The following ANKRD35 variants were observed in gnomAD, a reference collection of about 807,000 sequenced individuals.
ANKRD35 encodes the protein ankyrin repeat domain-containing protein 35.
A neutral mutation model predicts 109.9 loss-of-function variants in ANKRD35; 102 were observed. The observed-to-expected ratio is 0.93, with a 90% CI of 0.79 to 1.09. ANKRD35 has a LOEUF of 1.09. Among genes scored for constraint, ANKRD35 ranks in the 50% least tolerant of loss-of-function variants. The probability of loss-of-function intolerance (pLI) is 0.00; values close to 1 mark genes in which losing one functional copy is unlikely to be tolerated. For synonymous variants in ANKRD35, 515 were observed against 512.4 expected (o/e 1.01, Z -0.07); for missense variants, 1,240 against 1,230.1 (o/e 1.01, Z -0.12).
intron 4 of ANKRD35, among the ~76,000 whole-genome samples, chr1:145,877,456 T>A (rs1440215722): frequency 3.3e-5 from 5 of 152,134 alleles, no homozygotes; most frequent in African/African-American, 1.2e-4. Context: ...ATGGTCTCGA[T>A]CTCCTGATCT....
rs139253318 is a variant in ANKRD35 at position 145,874,828 on chromosome 1, G to T, written c.739C>A (p.Arg247=). Residue 247 remains arginine (R), a synonymous_variant, in exon 8 of 14, where the codon CGG becomes AGG. Coordinates refer to ENST00000355594, the MANE Select transcript of ANKRD35 (RefSeq NM_144698.5). ...GTTACACAAGGGCCTTTACCGCCCC[G>T]CCGCCGCCGGCTCAGGGCCTGCTGT... ...HLQQALSRRR[R]GGQRLVQHPD... 1.1e-5 allele frequency: 17 copies of T among 1,583,032 alleles called. No individual in the cohort carries two copies. The Admixed American group carries it at 3.1e-4, about 29-fold the overall frequency.
intron 4 of ANKRD35, 23 bp downstream of exon 4, chr1:145,877,945 T>A: frequency 1.2e-6 from 2 of 1,609,868 alleles, no homozygotes; most frequent in Non-Finnish European, 1.7e-6. Flanking sequence ...TTCATAAGAG[T>A]GGTATCAAGG....
Position 145,872,713 on chromosome 1 carries a change from C to T in ANKRD35, c.2056G>A (p.Ala686Thr). Residue 686 changes from alanine to threonine, a missense_variant, in exon 10 of 14, where the codon GCC becomes ACC. By Grantham distance (58) the Ala-to-Thr change is moderately conservative. Coordinates refer to ENST00000355594, the MANE Select transcript of ANKRD35 (RefSeq NM_144698.5). ...LTNELAMEKE[A>T]TEKLRKLLAS... Reference sequence around the variant, plus strand: ...AGGAGCTTCCGCAGCTTCTCTGTGGCCTCCTTCTCCATGGCCAGTTCATTT... The same window carrying T: ...AGGAGCTTCCGCAGCTTCTCTGTGGTCTCCTTCTCCATGGCCAGTTCATTT... 6 of 1,613,612 alleles carry T rather than the reference C, an allele frequency of 3.7e-6. No homozygotes were observed. The highest frequency in any genetic ancestry group is 5.1e-6 in the Non-Finnish European group (6 of 1,179,612).
Position 145,876,797 on chromosome 1 carries a change from A to G in ANKRD35, c.382+19T>C, listed in dbSNP as rs202032121. 29 of 1,613,790 alleles carry G rather than the reference A, an allele frequency of 1.8e-5. No individual in the cohort carries two copies. Among genetic ancestry groups the G allele is most frequent in the African/African-American group, 4.0e-5 (3 of 74,860 alleles). On this transcript the variant is annotated intron_variant, in intron 5 of 13. Coordinates refer to ENST00000355594, the MANE Select transcript of ANKRD35 (RefSeq NM_144698.5). ...CTGTAGTCTCTGCAGCCCTGTTCCC[A>G]TGAGTCCCCTGCACACACCTGCCCA... is the stretch of plus-strand genomic sequence containing the variant.
intron 8 of ANKRD35, 90 bp from the exon 9 acceptor site, chr1:145,874,282 G>GCCACTCCTCTCAGA: frequency 1.4e-6 from 2 of 1,399,074 alleles, no homozygotes; most frequent in Non-Finnish European, 2.0e-6. Flanking sequence ...TTTCTGAGAG[G>GCCACTCCTCTCAGA]AGTGGCCTCT....
Position 145,872,594 on chromosome 1 carries a change from G to C in ANKRD35, c.2175C>G (p.Ser725=). ...TGATGCAGGCCCGCAGCTCCTCCAG[G>C]GACTCCGCTGCTTTGCTTTGTGCAC... The part of the protein sequence containing the change: ...ERSAQSKAAE[S]LEELRACIST... The change falls in exon 10 of 14, where the codon TCC becomes TCG. Residue 725 remains serine (S), a synonymous_variant. Transcript: ENST00000355594. 9.3e-6 allele frequency: 15 copies of C among 1,613,146 alleles called. No homozygotes were observed. The highest frequency in any genetic ancestry group is 1.3e-5 in the Non-Finnish European group (15 of 1,179,618).
intron 12 of ANKRD35, 130 bp downstream of exon 12, chr1:145,867,861 G>T: frequency 2.4e-6 from 2 of 819,622 alleles, no homozygotes; most frequent in Non-Finnish European, 4.1e-6. Flanking sequence ...CAGAGACCTA[G>T]CACTGGATCC....
chr1:145,874,782 T>C (rs782286290), intron 8 of ANKRD35, 40 bp downstream of exon 8: 2 of 1,513,930 alleles, frequency 1.3e-6, no homozygotes, highest in South Asian at 2.6e-5. Flanking sequence ...GAAACTTCTC[T>C]GATTCTTAGA....
At chr1:145,870,210 C>T (rs1553738364) in intron 10 of ANKRD35, among the ~76,000 whole-genome samples, 2 of 151,652 alleles carry the variant, frequency 1.3e-5, no homozygotes, top group East Asian at 1.9e-4. Flanking sequence ...CCTGCCTCAG[C>T]CTCTCCGAGT....
At position 145,873,704 on chromosome 1, in the gene ANKRD35, T is replaced by A; in HGVS notation, c.1065A>T (p.Ser355=). The A allele has an allele frequency of 6.2e-7, 1 of 1,614,048 alleles. No individual in the cohort carries two copies. Among genetic ancestry groups the A allele is most frequent in the Non-Finnish European group, 8.5e-7 (1 of 1,179,944 alleles). The change falls in exon 10 of 14, where the codon TCA becomes TCT. Residue 355 remains serine (S), a synonymous_variant. Coordinates refer to ENST00000355594, the MANE Select transcript of ANKRD35 (RefSeq NM_144698.5). ...GVLLSWEPRA[S]GKQGSSLRPG... ...GCCGGAGACTAGAGCCTTGCTTTCC[T>A]GAAGCTCTGGGCTCCCAGGATAGGA...
In ANKRD35 at chr1:145,872,546, C is replaced by G. The variant is rs1553738980; in HGVS notation, c.2223G>C (p.Arg741=). The G allele has an allele frequency of 6.2e-7, 1 of 1,608,218 alleles. No individual in the cohort carries two copies. Among genetic ancestry groups the G allele is most frequent in the Non-Finnish European group, 8.5e-7 (1 of 1,177,254 alleles). Residue 741 remains arginine (R), a synonymous_variant, in exon 10 of 14, where the codon CGG becomes CGC. Coordinates refer to ENST00000355594, the MANE Select transcript of ANKRD35 (RefSeq NM_144698.5). ...ACISTLVDRH[R]EAQQVLARLQ... is the part of the protein sequence containing the mutation. ...GCCGAGCCAGCACCTGCTGGGCCTC[C>G]CGGTGCCGATCCACCAGGGTGCTGA...
rs1653909603 is a variant in ANKRD35, at chr1:145,873,098, C to T, written c.1671G>A (p.Val557=). The change falls in exon 10 of 14, where the codon GTG becomes GTA. Residue 557 remains valine (V), a synonymous_variant. Coordinates refer to ENST00000355594, the MANE Select transcript of ANKRD35 (RefSeq NM_144698.5). Reference sequence around the variant, plus strand: ...ACTCCTGGGAAGGAACCTCAGGTTTCACCTGTAGTCCTGCCTTTGCCCATT... The same window carrying T: ...ACTCCTGGGAAGGAACCTCAGGTTTTACCTGTAGTCCTGCCTTTGCCCATT... The part of the protein sequence containing the change: ...RLEWAKAGLQ[V]KPEVPSQESR... The T allele has an allele frequency of 1.2e-6, 2 of 1,613,602 alleles. No homozygotes were observed. The highest frequency in any genetic ancestry group is 1.3e-5 in the African/African-American group (1 of 75,028).
intron 8 of ANKRD35, 58 bp downstream of exon 8, chr1:145,874,764 G>T: frequency 6.8e-7 from 1 of 1,470,346 alleles, no homozygotes; most frequent in Non-Finnish European, 9.0e-7. Flanking sequence ...AAACAAATGG[G>T]ACTCTAAGAA....
chr1:145,867,340 T>G lies in ANKRD35; in HGVS notation c.2996A>C (p.Glu999Ala). Residue 999 changes from glutamate to alanine, a missense_variant, in exon 13 of 14, where the codon GAA becomes GCA. Physicochemically the swap from Glu to Ala is moderately radical, Grantham distance 107 (BLOSUM62 -1). Transcript: ENST00000355594. ...YNILLQILSM[E>A]EE Reference sequence around the variant, plus strand: ...CACAGTGAGGCTGCCTCACTCCTCTTCCATGCTAAGGATTTGCAGCAGGAT... The same window carrying G: ...CACAGTGAGGCTGCCTCACTCCTCTGCCATGCTAAGGATTTGCAGCAGGAT... 6.2e-7 allele frequency: 1 copy of G among 1,613,984 alleles called. No individual in the cohort carries two copies.
chr1:145,873,324 G>T lies in ANKRD35; in HGVS notation c.1445C>A (p.Pro482Gln), dbSNP rs587691367. The change falls in exon 10 of 14, where the codon CCA becomes CAA. Residue 482 changes from proline (P) to glutamine (Q), a missense_variant. Pro to Gln is a moderately conservative substitution (Grantham distance 76, BLOSUM62 -1). Coordinates refer to ENST00000355594, the MANE Select transcript of ANKRD35 (RefSeq NM_144698.5). ...CTGGTTCATGGCTGCTGGGCCCACT[G>T]GTTCAGCCACTGTGCCTCCTGGTTC... ...GVEPGGTVAE[P>Q]VGPAAMNQLL... 6.2e-6 allele frequency: 10 copies of T among 1,614,164 alleles called. No homozygotes were observed. The South Asian group carries it at 9.9e-5, about 16-fold the overall frequency.
chr1:145,884,119 C>T (rs1041488906), intron 1 of ANKRD35, among the ~76,000 whole-genome samples: 5 of 152,142 alleles, frequency 3.3e-5, no homozygotes, highest in Admixed American at 3.3e-4. Flanking sequence ...GAAATAGTTT[C>T]CCCATTCCTA....
chr1:145,872,936 T>G lies in ANKRD35; in HGVS notation c.1833A>C (p.Gly611=), dbSNP rs1553739161. 1 of 1,611,594 alleles carries G rather than the reference T, an allele frequency of 6.2e-7. No individual in the cohort carries two copies. The highest frequency in any genetic ancestry group is 1.7e-5 in the Admixed American group (1 of 59,906). The part of the protein sequence containing the change: ...GEKALGGLAK[G]QLEKEMSVLR... The stretch of plus-strand genomic sequence containing the variant: ...GTACTGACATCTCCTTCTCCAGCTG[T>G]CCCTTTGCCAGGCCTCCTAGGGCCT... The change falls in exon 10 of 14, where the codon GGA becomes GGC. Residue 611 remains glycine, a synonymous_variant. Coordinates refer to ENST00000355594, the MANE Select transcript of ANKRD35 (RefSeq NM_144698.5).
chr1:145,871,861 C>G, intron 10 of ANKRD35, 121 bp downstream of exon 10: 1 of 1,279,730 alleles, frequency 7.8e-7, no homozygotes, highest in Non-Finnish European at 1.1e-6. Flanking sequence ...AGGACTGGTG[C>G]TCCGTTTGGG....
intron 9 of ANKRD35, 60 bp from the exon 10 acceptor site, chr1:145,874,045 T>C (rs1553739597): frequency 6.2e-7 from 1 of 1,611,188 alleles, no homozygotes; most frequent in Non-Finnish European, 8.5e-7. Context: ...GCCCTAGGAG[T>C]GCCTTTCTTC....
Sources: gnomAD v4.1 joint callset for allele counts (sites outside exome capture counted in the v4.1 genomes callset) on GRCh38, gnomAD v4.1.1 for gene constraint, MANE v1.5 for transcripts, NCBI Gene and HGNC (gene_info 2026-07-23, HGNC 2026-07-21) for gene names.